Variants in ANKDD1A observed in about 807,000 individuals in gnomAD.
ANKDD1A encodes the protein ankyrin repeat and death domain-containing protein 1A.
In ANKDD1A, 59 loss-of-function variants were observed where a neutral mutation model predicts 63.5. The ratio of observed to expected loss-of-function variants is 0.93; its 90% CI spans 0.75 to 1.15. The LOEUF (loss-of-function observed/expected upper bound fraction) is 1.15. Among genes scored for constraint, ANKDD1A ranks in the 50% most tolerant of loss-of-function variants. ANKDD1A has a pLI of 0.00. For missense variants in ANKDD1A, 632 were observed against 656.4 expected (o/e 0.96, Z 0.41); for synonymous variants, 266 against 263.9 (o/e 1.01, Z -0.08).
At position 64,957,967 on chromosome 15, in the gene ANKDD1A, T is replaced by A. The variant is rs2085434274; in HGVS notation, c.*779T>A. ...TAATCAGGTGGTTTCCCTGGGGTAG[T>A]AGGATAATGGGGAACAGTGGGGCTG... On this transcript the variant is annotated 3_prime_UTR_variant, in exon 15 of 15. Transcript: ENST00000319580. The A allele has an allele frequency of 6.6e-6, 1 of 152,148 alleles. No individual in the cohort carries two copies. The highest frequency in any genetic ancestry group is 2.4e-5 in the African/African-American group (1 of 41,406). 9.4% of individuals were successfully genotyped at this position (152,148 alleles called of 1,614,324 possible). A position where few individuals can be genotyped will look rare whatever the true frequency, so the allele number is the denominator to read the frequency against.
rs917527793 is a variant in ANKDD1A at position 64,926,157 on chromosome 15, A to G, written c.458A>G (p.Asp153Gly). ...GAGGACCTGGAGGATGTGGCCCTGGACCACGTAGACAAGGTGAGAGTGCCT... is the reference window on the plus strand; with the variant it reads ...GAGGACCTGGAGGATGTGGCCCTGGGCCACGTAGACAAGGTGAGAGTGCCT... Reference protein sequence around the residue: ...IMEDLEDVALDHVDKLGRTAF... With the variant: ...IMEDLEDVALGHVDKLGRTAF... The change falls in exon 5 of 15, where the codon GAC (aspartate) becomes GGC (glycine). Residue 153 changes from aspartate to glycine, a missense_variant. Asp to Gly is a moderately conservative substitution (Grantham distance 94). Transcript: ENST00000319580. 2 of 1,613,674 alleles carry G rather than the reference A, an allele frequency of 1.2e-6. No individual in the cohort carries two copies. Among genetic ancestry groups the G allele is most frequent in the African/African-American group, 2.7e-5 (2 of 74,900 alleles).
chr15:64,922,222 T>C, intron 4 of ANKDD1A: 1 of 560,414 alleles, frequency 1.8e-6, no homozygotes, highest in Non-Finnish European at 3.2e-6. Context: ...CTGGCCTCCT[T>C]ATTTACAAGA....
At chr15:64,942,980 A>T (rs2085196278) in intron 10 of ANKDD1A, among the ~76,000 whole-genome samples, 1 of 152,152 alleles carries the variant, frequency 6.6e-6, no homozygotes, top group Admixed American at 6.5e-5. Flanking sequence ...CAACCATATA[A>T]TTCTCAGTAC....
intron 12 of ANKDD1A, among the ~76,000 whole-genome samples, chr15:64,946,774 G>A (rs1168430062): frequency 6.6e-6 from 1 of 152,146 alleles, no homozygotes; most frequent in East Asian, 1.9e-4. Flanking sequence ...AGAGACTGTT[G>A]ACCATGACAT....
intron 14 of ANKDD1A, chr15:64,950,727 C>CGGGGGGGGGGGG: frequency 7.1e-6 from 3 of 425,030 alleles, no homozygotes; most frequent in Non-Finnish European, 7.8e-6. Flanking sequence ...AAAGAAAGGA[C>CGGGGGGGGGGGG]CGCCCCCCCC....
chr15:64,924,668 T>C (rs1244949998), intron 4 of ANKDD1A, among the ~76,000 whole-genome samples: 2 of 152,252 alleles, frequency 1.3e-5, no homozygotes, highest in African/African-American at 4.8e-5. Context: ...AGTTTTTCCA[T>C]TAATATTCTA....
intron 10 of ANKDD1A, 29 bp downstream of exon 10, chr15:64,942,594 C>A: frequency 6.3e-7 from 1 of 1,588,432 alleles, no homozygotes; most frequent in Non-Finnish European, 8.6e-7. Context: ...CTTCCGGGCC[C>A]CAGGGAGCTT....
intron 12 of ANKDD1A, among the ~76,000 whole-genome samples, chr15:64,946,780 GA>G (rs2085226533): frequency 6.6e-6 from 1 of 152,156 alleles, no homozygotes; most frequent in South Asian, 2.1e-4. Flanking sequence ...TGTTGACCAT[GA>G]CATAAGCTTT....
rs1309837891 is a variant in ANKDD1A at position 64,943,577 on chromosome 15, G to C, written c.1060G>C (p.Asp354His). The change falls in exon 11 of 15, where the codon GAT (aspartate) becomes CAT (histidine). Residue 354 changes from aspartate to histidine, a missense_variant. Physicochemically the swap from Asp to His is moderately conservative, Grantham distance 81. Transcript: ENST00000319580. ...TGCTGGGGTTGACTTAAACCTGAGA[G>C]ATAAGGTACCTCTGCTTACAACCCA... ...LIAGVDLNLR[D>H]KQGKTALAVA... 1 of 1,614,022 alleles carries C rather than the reference G, an allele frequency of 6.2e-7. No homozygotes were observed.
chr15:64,953,527 T>TCTCCTTTTCTTCTTC (rs1555397820), intron 14 of ANKDD1A, among the ~76,000 whole-genome samples: 4 of 74,634 alleles, frequency 5.4e-5, no homozygotes, highest in African/African-American at 1.5e-4. Context: ...CCTTCTTCCT[T>TCTCCTTTTCTTCTTC]CTTCTCCTCT....
Position 64,930,850 on chromosome 15 carries a change from C to T in ANKDD1A, c.599C>T (p.Ala200Val). The change falls in exon 7 of 15, where the codon GCT becomes GTT. Residue 200 changes from alanine (A) to valine (V), a missense_variant. Transcript: ENST00000319580. ...GGGAACACTGCCCTTCATCTGGCTG[C>T]TGGTCGGGGCCATATGGCTGTGCTG... ...KEGNTALHLA[A>V]GRGHMAVLQR... The T allele has an allele frequency of 6.2e-7, 1 of 1,613,110 alleles. No homozygotes were observed.
At chr15:64,915,675 T>C (rs2140363518) in intron 1 of ANKDD1A, 122 bp from the exon 2 acceptor site, 1 of 769,786 alleles carries the variant, frequency 1.3e-6, no homozygotes, top group Non-Finnish European at 2.2e-6. Flanking sequence ...GCTCTGCCCC[T>C]GTTCCTAGCT....
intron 1 of ANKDD1A, chr15:64,913,991 T>C (rs1316328575): frequency 9.4e-6 from 1 of 106,376 alleles, no homozygotes; most frequent in African/African-American, 3.2e-5. Flanking sequence ...TGTTTCTGTT[T>C]TCTTTTTTTT....
intron 1 of ANKDD1A, among the ~76,000 whole-genome samples, chr15:64,912,536 A>T (rs991985849): frequency 2.6e-5 from 4 of 151,958 alleles, no homozygotes; most frequent in Non-Finnish European, 4.4e-5. Context: ...GCACCTCCGA[A>T]CCTCCCTCAA....
chr15:64,951,406 TTTTTC>T (rs1484091092), intron 14 of ANKDD1A: 41 of 270,270 alleles, frequency 1.5e-4, no homozygotes, highest in South Asian at 2.7e-4. Flanking sequence ...TCTTTTTTCT[TTTTTC>T]TTTTCTTCCT....
rs1453019421 is a variant in ANKDD1A at position 64,917,474 on chromosome 15, AGGAGGATGCG to A, written c.229_238del (p.Glu77Ter). 6.3e-7 allele frequency: 1 copy of A among 1,599,968 alleles called. No individual in the cohort carries two copies. The highest frequency in any genetic ancestry group is 2.3e-5 in the East Asian group (1 of 44,290). On this transcript the variant is annotated frameshift_variant, in exon 3 of 15. Transcript: ENST00000319580. LOFTEE classifies it high-confidence loss of function. ...CTGGAGCACGAGGCTGCTGTGGACGAGGAGGATGCGGTAGGGGCCCTCACAGAGGCACGTC... is the reference window on the plus strand; with the variant it reads ...CTGGAGCACGAGGCTGCTGTGGACGAGTAGGGGCCCTCACAGAGGCACGTC...
intron 14 of ANKDD1A, among the ~76,000 whole-genome samples, chr15:64,953,427 T>C (rs1475773056): frequency 1.5e-3 from 22 of 14,990 alleles, no homozygotes; most frequent in East Asian, 0.018. Flanking sequence ...TCCCTTCTTC[T>C]TCCTCCTCCT....
At chr15:64,949,613 C>A (rs1299624872) in intron 13 of ANKDD1A, among the ~76,000 whole-genome samples, 3 of 152,174 alleles carry the variant, frequency 2.0e-5, no homozygotes, top group Non-Finnish European at 4.4e-5. Context: ...GTTCTAGAGA[C>A]CAAGACACAA....
chr15:64,943,736 C>T, intron 11 of ANKDD1A, 154 bp downstream of exon 11: 1 of 682,828 alleles, frequency 1.5e-6, no homozygotes, highest in Non-Finnish European at 2.5e-6. Context: ...CTCCAGGAAG[C>T]CTTCCTGACC....
Sources: allele counts gnomAD v4.1 joint callset (sites outside exome capture counted in the v4.1 genomes callset), GRCh38; gene constraint gnomAD v4.1.1; transcripts MANE v1.5; gene names NCBI Gene and HGNC (gene_info 2026-07-23, HGNC 2026-07-21).